The following TENT4A variants were observed in gnomAD, a reference collection of about 807,000 sequenced individuals.
The protein encoded by TENT4A is terminal nucleotidyltransferase 4A, also known as DNA polymerase kappa.
In TENT4A, 7 loss-of-function variants were observed where a neutral mutation model predicts 72.8. The observed-to-expected ratio is 0.10, with a 90% CI of 0.05 to 0.18. The LOEUF (loss-of-function observed/expected upper bound fraction) is 0.18. TENT4A is among the 10% of genes least tolerant of loss of function. The pLI is 1.00. For missense variants in TENT4A, 831 were observed against 1,017.7 expected (o/e 0.82, Z 2.50); for synonymous variants, 456 against 434.3 (o/e 1.05, Z -0.62).
chr5:6,745,701 G>T (rs1283226302), intron 6 of TENT4A, among the ~76,000 whole-genome samples: 1 of 152,140 alleles, frequency 6.6e-6, no homozygotes, highest in Non-Finnish European at 1.5e-5. Flanking sequence ...TGACAAGCAG[G>T]ATGGAAGCTT....
rs191940338 is a variant in TENT4A, at chr5:6,732,363, A to G, written c.717-5147A>G. Among the ~76,000 whole-genome samples, 5 of 152,360 alleles carry G rather than the reference A, an allele frequency of 3.3e-5. No homozygotes were observed. In the East Asian group the frequency reaches 5.8e-4, roughly 18 times the overall value. On this transcript the variant is annotated intron_variant, in intron 1 of 12. Coordinates refer to ENST00000230859, the MANE Select transcript of TENT4A (RefSeq NM_006999.6). ...CTAAATGGGTCACCTGTTGTCATCA[A>G]TAGCTTTATTAGCTATGGAATAATA...
intron 4 of TENT4A, 74 bp downstream of exon 4, chr5:6,739,926 G>C (rs1561038155): frequency 7.0e-7 from 1 of 1,434,032 alleles, no homozygotes; most frequent in Non-Finnish European, 9.7e-7. Flanking sequence ...GGATACGCCT[G>C]CGTCACGAGC....
At chr5:6,736,481 T>C (rs2126630696) in intron 1 of TENT4A, among the ~76,000 whole-genome samples, 1 of 152,376 alleles carries the variant, frequency 6.6e-6, no homozygotes, top group South Asian at 2.1e-4. Context: ...TTTGTTATAA[T>C]TCCTAGGAGT....
chr5:6,713,646 ACGCCGCCGC>A lies in TENT4A; in HGVS notation c.-331_-323del, dbSNP rs1228003101. The A allele has an allele frequency of 2.1e-5, 3 of 143,132 alleles. No individual in the cohort carries two copies. Among genetic ancestry groups the A allele is most frequent in the Non-Finnish European group, 4.7e-5 (3 of 64,498 alleles). 8.9% of individuals were successfully genotyped at this position (143,132 alleles called of 1,614,324 possible). A position where few individuals can be genotyped will look rare whatever the true frequency, so the allele number is the denominator to read the frequency against. ...GGCCTCTCCCCGCGGCCCGAGTGGA[ACGCCGCCGC>A]CGCCGCGGCCCCCGCGCCCGCCCCG... is the stretch of plus-strand genomic sequence containing the variant. On this transcript the variant is annotated 5_prime_UTR_variant, in exon 1 of 13. Coordinates refer to ENST00000230859, the MANE Select transcript of TENT4A (RefSeq NM_006999.6).
rs1424446117 is a variant in TENT4A at position 6,753,130 on chromosome 5, GA to G, written c.2184+94del. 3 of 1,255,410 alleles carry G rather than the reference GA, an allele frequency of 2.4e-6. No homozygotes were observed. The African/African-American group carries it at 4.5e-5, about 19-fold the overall frequency. The allele number at this position is 1,255,410 out of a possible 1,614,324, so 77.8% of individuals were successfully genotyped here. A position where few individuals can be genotyped will look rare whatever the true frequency, so the allele number is the denominator to read the frequency against. ...TTTCTCCTCCAGAGAGAATTCCAGAGAGATCATTTGAAAACGGAATTTGCTT... is the reference window on the plus strand; with the variant it reads ...TTTCTCCTCCAGAGAGAATTCCAGAGGATCATTTGAAAACGGAATTTGCTT... On this transcript the variant is annotated intron_variant, in intron 12 of 12. Coordinates refer to ENST00000230859, the MANE Select transcript of TENT4A (RefSeq NM_006999.6).
chr5:6,736,050 C>T (rs1579473442), intron 1 of TENT4A, among the ~76,000 whole-genome samples: 3 of 152,136 alleles, frequency 2.0e-5, no homozygotes, highest in Admixed American at 1.3e-4. Flanking sequence ...CGTGAGCCAC[C>T]GCATCTGGCC....
intron 7 of TENT4A, among the ~76,000 whole-genome samples, chr5:6,747,930 A>G (rs1742193486): frequency 6.6e-6 from 1 of 152,204 alleles, no homozygotes; most frequent in Admixed American, 6.5e-5. Flanking sequence ...TCCACACGTG[A>G]GAATTCACAT....
At chr5:6,726,936 T>G (rs115628526) in intron 1 of TENT4A, among the ~76,000 whole-genome samples, 2,855 of 152,266 alleles carry the variant, frequency 0.019, 35 homozygotes, top group South Asian at 0.049. Flanking sequence ...CATCTTCCTG[T>G]GGGTGGGAGT....
intron 7 of TENT4A, 44 bp from the exon 8 acceptor site, chr5:6,748,420 T>C (rs747156714): frequency 1.2e-6 from 2 of 1,606,960 alleles, no homozygotes; most frequent in Non-Finnish European, 1.7e-6. Context: ...ATGTGGACGA[T>C]GGTGTGCATG....
chr5:6,729,128 G>T (rs1741080591), intron 1 of TENT4A, among the ~76,000 whole-genome samples: 1 of 152,166 alleles, frequency 6.6e-6, no homozygotes, highest in Non-Finnish European at 1.5e-5. Context: ...TTCTGTGTTG[G>T]GTTCCTTCCT....
intron 1 of TENT4A, among the ~76,000 whole-genome samples, chr5:6,722,349 A>C (rs115491623): frequency 0.018 from 2,682 of 152,314 alleles, 49 homozygotes; most frequent in Non-Finnish European, 0.022. Context: ...GCTGGACAGG[A>C]AAAGCCTTTT....
chr5:6,740,978 T>G (rs1741771636), intron 4 of TENT4A, among the ~76,000 whole-genome samples: 1 of 152,220 alleles, frequency 6.6e-6, no homozygotes, highest in Admixed American at 6.5e-5. Context: ...GTCAGCGGCA[T>G]AGTCCAGGCC....
Position 6,751,207 on chromosome 5 carries a change from C to A in TENT4A, c.2019+10C>A. The A allele has an allele frequency of 6.2e-7, 1 of 1,614,110 alleles. No individual in the cohort carries two copies. The highest frequency in any genetic ancestry group is 8.5e-7 in the Non-Finnish European group (1 of 1,179,952). ...GACAACCAACAATCAGGTACGTGGCCCTCTGGCACCCTTCCCGCTGGTGGC... is the reference window on the plus strand; with the variant it reads ...GACAACCAACAATCAGGTACGTGGCACTCTGGCACCCTTCCCGCTGGTGGC... On this transcript the variant is annotated intron_variant, in intron 11 of 12. Coordinates refer to ENST00000230859, the MANE Select transcript of TENT4A (RefSeq NM_006999.6).
intron 5 of TENT4A, among the ~76,000 whole-genome samples, chr5:6,743,233 C>G (rs1741913009): frequency 6.6e-6 from 1 of 152,144 alleles, no homozygotes; most frequent in African/African-American, 2.4e-5. Flanking sequence ...CCCCCTTCCC[C>G]CTTGTCATCT....
At position 6,746,926 on chromosome 5, in the gene TENT4A, G is replaced by A. The variant is rs28381395; in HGVS notation, c.1459+499G>A. Among the ~76,000 whole-genome samples the A allele has an allele frequency of 9.2e-3, 1,406 of 152,272 alleles. 5 individuals carry two copies. Among genetic ancestry groups the A allele is most frequent in the Non-Finnish European group, 0.016 (1,056 of 68,024 alleles). ...CTATGTGTGTAGGTTGTGTTTTGTC[G>A]TGAGGATTGCCGCATTGAAGAGTCT... On this transcript the variant is annotated intron_variant, in intron 7 of 12. Transcript: ENST00000230859.
chr5:6,743,028 G>C (rs1314007559), intron 5 of TENT4A, among the ~76,000 whole-genome samples: 1 of 152,144 alleles, frequency 6.6e-6, no homozygotes, highest in African/African-American at 2.4e-5. Context: ...CTGACCATGT[G>C]CCTGGTCTTA....
intron 12 of TENT4A, among the ~76,000 whole-genome samples, chr5:6,754,217 G>A (rs1322761786): frequency 6.6e-6 from 1 of 152,200 alleles, no homozygotes; most frequent in Non-Finnish European, 1.5e-5. Context: ...CACCCAGGCT[G>A]GAGTGCAGTG....
chr5:6,741,905 A>G (rs1490563045), intron 4 of TENT4A, among the ~76,000 whole-genome samples: 2 of 152,200 alleles, frequency 1.3e-5, no homozygotes, highest in Non-Finnish European at 2.9e-5. Flanking sequence ...GTGGGGCATG[A>G]GTGTGGTCTG....
rs549113612 is a variant in TENT4A at position 6,725,971 on chromosome 5, C to T, written c.716+11272C>T. Reference sequence around the variant, plus strand: ...GATGAAAACCTTAAGTGGCTAAGTGCAGCAACGTCAGAGTAAAAGCTTTGA... The same window carrying T: ...GATGAAAACCTTAAGTGGCTAAGTGTAGCAACGTCAGAGTAAAAGCTTTGA... On this transcript the variant is annotated intron_variant, in intron 1 of 12. Transcript: ENST00000230859. Among the ~76,000 whole-genome samples the T allele has an allele frequency of 2.6e-5, 4 of 152,322 alleles. No individual in the cohort carries two copies. In the South Asian group the frequency reaches 6.2e-4, roughly 24 times the overall value.
Sources: gnomAD v4.1 joint callset for allele counts (sites outside exome capture counted in the v4.1 genomes callset) on GRCh38, gnomAD v4.1.1 for gene constraint, MANE v1.5 for transcripts, NCBI Gene and HGNC (gene_info 2026-07-23, HGNC 2026-07-21) for gene names.